The following ARHGAP42 variants were observed in gnomAD, a reference collection of about 807,000 sequenced individuals.
ARHGAP42 encodes the protein rho GTPase-activating protein 42.
A neutral mutation model predicts 125.0 loss-of-function variants in ARHGAP42; 63 were observed. That is an observed-to-expected ratio of 0.50 (90% confidence interval 0.41 to 0.62). The LOEUF (loss-of-function observed/expected upper bound fraction) is 0.62, where lower values mean the gene tolerates loss of function less well. Ranked by LOEUF, ARHGAP42 falls within the 20% of genes least tolerant of loss-of-function variation. ARHGAP42 has a pLI of 0.00. For synonymous variants in ARHGAP42, 339 were observed against 351.0 expected, an observed-to-expected ratio of 0.97 and a Z score of 0.38; for missense variants, 766 against 1,024.2, an observed-to-expected ratio of 0.75 and a Z score of 3.44.
rs1862671947 is a variant in ARHGAP42 at position 100,760,287 on chromosome 11, T to G, written c.155-10056T>G. Among the ~76,000 whole-genome samples, 3 of 152,290 alleles carry G rather than the reference T, an allele frequency of 2.0e-5. No individual in the cohort carries two copies. The South Asian group carries it at 6.2e-4, about 32-fold the overall frequency. ...GAGAGTTAAGTTTAGATCGGTTTGT[T>G]TGGCTGGCATTTTGAGTATGCAAAG... On this transcript the variant is annotated intron_variant, in intron 1 of 23. Transcript: ENST00000298815.
At chr11:100,771,603 A>AT (rs879276143) in intron 2 of ARHGAP42, among the ~76,000 whole-genome samples, 137 of 146,184 alleles carry the variant, frequency 9.4e-4, no homozygotes, top group East Asian at 2.2e-3. Flanking sequence ...AACATCTGGA[A>AT]TTTTTTTTTT....
At chr11:100,921,345 T>C (rs1301291327) in intron 5 of ARHGAP42, 149 bp from the exon 6 acceptor site, 6 of 496,922 alleles carry the variant, frequency 1.2e-5, no homozygotes, top group Non-Finnish European at 1.8e-5. Context: ...TCCTGCCCCA[T>C]ACACTATAAG....
At chr11:100,753,752 A>G (rs972232026) in intron 1 of ARHGAP42, among the ~76,000 whole-genome samples, 5 of 151,954 alleles carry the variant, frequency 3.3e-5, no homozygotes, top group South Asian at 2.1e-4. Flanking sequence ...CAGTTCCCAC[A>G]CTGGATAGGA....
intron 2 of ARHGAP42, among the ~76,000 whole-genome samples, chr11:100,774,697 G>T (rs1240008813): frequency 6.6e-6 from 1 of 151,098 alleles, no homozygotes; most frequent in Non-Finnish European, 1.5e-5. Flanking sequence ...GATAAAAAAA[G>T]GTTTTGGGCA....
chr11:100,799,619 A>G (rs1309650158), intron 3 of ARHGAP42, among the ~76,000 whole-genome samples: 5 of 152,194 alleles, frequency 3.3e-5, no homozygotes, highest in African/African-American at 1.2e-4. Flanking sequence ...AGAGTAATGG[A>G]GCCAAGAGAA....
At chr11:100,739,144 C>CT (rs892938777) in intron 1 of ARHGAP42, among the ~76,000 whole-genome samples, 17 of 150,706 alleles carry the variant, frequency 1.1e-4, no homozygotes, top group East Asian at 3.9e-4. Flanking sequence ...ATCTTAGAGT[C>CT]TTTTTTTTTG....
At chr11:100,690,579 T>G (rs1861171221) in intron 1 of ARHGAP42, among the ~76,000 whole-genome samples, 1 of 152,108 alleles carries the variant, frequency 6.6e-6, no homozygotes, top group African/African-American at 2.4e-5. Context: ...TGTTTAAATA[T>G]CCAATATTTT....
At chr11:100,877,096 T>G (rs1271328828) in intron 4 of ARHGAP42, among the ~76,000 whole-genome samples, 15 of 152,142 alleles carry the variant, frequency 9.9e-5, no homozygotes, top group Non-Finnish European at 2.9e-5. Flanking sequence ...ACTGGTGAGC[T>G]CATTGTGAGA....
At chr11:100,767,123 T>C (rs895016681) in intron 1 of ARHGAP42, among the ~76,000 whole-genome samples, 2 of 152,230 alleles carry the variant, frequency 1.3e-5, no homozygotes, top group African/African-American at 4.8e-5. Context: ...AGAGTTGCCA[T>C]CTTCATAACT....
chr11:100,848,409 G>C (rs1865122171), intron 3 of ARHGAP42, among the ~76,000 whole-genome samples: 1 of 152,086 alleles, frequency 6.6e-6, no homozygotes, highest in Non-Finnish European at 1.5e-5. Context: ...TGGGGACCGG[G>C]TTAACATGGA....
At position 100,980,559 on chromosome 11, in the gene ARHGAP42, C is replaced by CTTTTTTTT. The variant is rs763302463; in HGVS notation, c.2456+1533_2456+1540dup. 8.4e-3 allele frequency among the ~76,000 whole-genome samples: 437 copies of CTTTTTTTT among 51,938 alleles called. 28 individuals carry two copies. Among genetic ancestry groups the CTTTTTTTT allele is most frequent in the Middle Eastern group, 0.019 (1 of 52 alleles). The allele number at this position is 51,938 out of a possible 152,430, so 34.1% of individuals were successfully genotyped here. A position where few individuals can be genotyped will look rare whatever the true frequency, so the allele number is the denominator to read the frequency against. Reference sequence around the variant, plus strand: ...TCAAATCATACTTCTTTTTCTTCTTCTTTTTTTTTTTTTTTTTTTTTTTTT... The same window carrying CTTTTTTTT: ...TCAAATCATACTTCTTTTTCTTCTTCTTTTTTTTTTTTTTTTTTTTTTTTTTTTTTTTT... On this transcript the variant is annotated intron_variant, in intron 22 of 23. Coordinates refer to ENST00000298815, the MANE Select transcript of ARHGAP42 (RefSeq NM_152432.4).
rs375304573 is a variant in ARHGAP42, at chr11:100,806,833, G to GTTTATTTATTTA, written c.312+11670_312+11671insATTTATTTATTT. On this transcript the variant is annotated intron_variant, in intron 3 of 23. Transcript: ENST00000298815. ...TTTTAAATTTTTTATTTGTTTGTTTGTTTGTTTATTTATTTATTTATTTAT... is the reference window on the plus strand; with the variant it reads ...TTTTAAATTTTTTATTTGTTTGTTTGTTTATTTATTTATTTGTTTATTTATTTATTTATTTAT... Among the ~76,000 whole-genome samples, 305 of 129,896 alleles carry GTTTATTTATTTA rather than the reference G, an allele frequency of 2.3e-3. 1 individual carries two copies. Among genetic ancestry groups the GTTTATTTATTTA allele is most frequent in the East Asian group, 0.011 (49 of 4,458 alleles). 85.2% of individuals were successfully genotyped at this position (129,896 alleles called of 152,430 possible). A position where few individuals can be genotyped will look rare whatever the true frequency, so the allele number is the denominator to read the frequency against.
chr11:100,836,177 GTTAGTTA>G (rs142820112), intron 3 of ARHGAP42, among the ~76,000 whole-genome samples: 2,586 of 152,192 alleles, frequency 0.017, 75 homozygotes, highest in African/African-American at 0.06. Flanking sequence ...AGATTATGCA[GTTAGTTA>G]TTAGTAGAGT....
At chr11:100,961,064 A>C (rs572716893) in intron 14 of ARHGAP42, 75 bp downstream of exon 14, 2 of 928,398 alleles carry the variant, frequency 2.2e-6, no homozygotes, top group East Asian at 5.7e-5. Flanking sequence ...TTCTTTGACT[A>C]GTGCTTGTCT....
At chr11:100,862,431 T>C (rs1186168155) in intron 4 of ARHGAP42, among the ~76,000 whole-genome samples, 1 of 152,004 alleles carries the variant, frequency 6.6e-6, no homozygotes, top group African/African-American at 2.4e-5. Flanking sequence ...TTTTTCTTAT[T>C]TGGAGGTTCA....
intron 3 of ARHGAP42, among the ~76,000 whole-genome samples, chr11:100,797,132 T>A (rs560784307): frequency 8.5e-5 from 13 of 152,210 alleles, no homozygotes; most frequent in Non-Finnish European, 1.6e-4. Flanking sequence ...AGTTTGGAGC[T>A]AGTAGTGGTT....
chr11:100,791,019 A>G (rs761441837), intron 2 of ARHGAP42, among the ~76,000 whole-genome samples: 20 of 152,348 alleles, frequency 1.3e-4, no homozygotes, highest in African/African-American at 3.1e-4. Context: ...TCAAACATTC[A>G]CACAAACTCA....
chr11:100,847,270 A>C (rs1283012773), intron 3 of ARHGAP42, among the ~76,000 whole-genome samples: 1 of 152,090 alleles, frequency 6.6e-6, no homozygotes, highest in African/African-American at 2.4e-5. Flanking sequence ...GGCCACTCTC[A>C]ATTCCTTAGT....
chr11:100,844,123 A>G (rs1162033425), intron 3 of ARHGAP42, among the ~76,000 whole-genome samples: 2 of 152,160 alleles, frequency 1.3e-5, no homozygotes, highest in East Asian at 1.9e-4. Context: ...GGAACAGAAA[A>G]GAGAACCCAG....
Sources: gnomAD v4.1 joint callset for allele counts (sites outside exome capture counted in the v4.1 genomes callset) on GRCh38, gnomAD v4.1.1 for gene constraint, MANE v1.5 for transcripts, NCBI Gene and HGNC (gene_info 2026-07-23, HGNC 2026-07-21) for gene names.